Variants in ARMC8 observed in about 807,000 individuals in gnomAD.
ARMC8 encodes armadillo repeat containing 8, also known as armadillo repeat-containing protein 8.
A neutral mutation model predicts 99.3 loss-of-function variants in ARMC8; 20 were observed. The ratio of observed to expected loss-of-function variants is 0.20; its 90% confidence interval spans 0.14 to 0.29. The LOEUF is 0.29. Among genes scored for constraint, ARMC8 ranks in the 10% least tolerant of loss-of-function variants. ARMC8 has a pLI of 1.00. For synonymous variants in ARMC8, 263 were observed against 278.3 expected (o/e 0.95, Z 0.55); for missense variants, 569 against 809.5 (o/e 0.70, Z 3.60).
chr3:138,188,397 A>G, intron 1 of ARMC8: 1 of 1,505,680 alleles, frequency 6.6e-7, no homozygotes. Flanking sequence ...TTTTTTAAAA[A>G]AAGTTTTTTT....
At chr3:138,246,325 G>C in intron 12 of ARMC8, 1 of 985,512 alleles carries the variant, frequency 1.0e-6, no homozygotes, top group Non-Finnish European at 1.2e-6. Context: ...AGTGTTTTTA[G>C]TGTATCCCTA....
intron 1 of ARMC8, among the ~76,000 whole-genome samples, chr3:138,209,004 CTTTA>C (rs772876666): frequency 5.8e-4 from 89 of 152,266 alleles, no homozygotes; most frequent in Non-Finnish European, 1.2e-4. Flanking sequence ...GTGACAACTC[CTTTA>C]TTTATTTTTA....
intron 12 of ARMC8, among the ~76,000 whole-genome samples, chr3:138,256,930 C>G (rs776176753): frequency 6.6e-5 from 10 of 152,162 alleles, no homozygotes; most frequent in Non-Finnish European, 1.2e-4. Context: ...ATAGAAAGGA[C>G]CTCATACTGG....
chr3:138,272,940 T>C (rs774794123), intron 16 of ARMC8, 27 bp from the exon 17 acceptor site: 1 of 1,493,386 alleles, frequency 6.7e-7, no homozygotes, highest in East Asian at 2.4e-5. Context: ...GTAGACATGA[T>C]TCTTGCAACT....
intron 6 of ARMC8, among the ~76,000 whole-genome samples, chr3:138,231,790 A>T (rs570218649): frequency 7.4e-6 from 1 of 134,554 alleles, no homozygotes; most frequent in Non-Finnish European, 1.6e-5. Flanking sequence ...TGGGGGGGGA[A>T]AAAAAAAAGA....
chr3:138,222,839 G>A (rs1221871213), intron 3 of ARMC8, among the ~76,000 whole-genome samples: 1 of 152,216 alleles, frequency 6.6e-6, no homozygotes, highest in African/African-American at 2.4e-5. Context: ...GGTTTGGGGA[G>A]TATTTGTTTG....
At chr3:138,288,078 T>TG (rs1416122225) in intron 19 of ARMC8, 1 of 159,820 alleles carries the variant, frequency 6.3e-6, no homozygotes, top group Admixed American at 6.1e-5. Flanking sequence ...ATCAAGTTTT[T>TG]GGGGATATTC....
intron 2 of ARMC8, among the ~76,000 whole-genome samples, chr3:138,219,480 G>C (rs2045272503): frequency 6.6e-6 from 1 of 152,166 alleles, no homozygotes; most frequent in African/African-American, 2.4e-5. Context: ...TCAGGGGAAA[G>C]TATGAGGGAG....
rs1157384293 is a variant in ARMC8 at position 138,187,378 on chromosome 3, C to T, written c.-177C>T. ...TCGTAGGACAGCCCCTGACGCCATT[C>T]CCTTTTGCCCTTCTTTCTGCGGGCC... is the stretch of plus-strand genomic sequence containing the variant. On this transcript the variant is annotated 5_prime_UTR_variant, in exon 1 of 22. Transcript: ENST00000469044. The T allele has an allele frequency of 1.0e-5, 6 of 599,526 alleles. No individual in the cohort carries two copies. In the East Asian group the frequency reaches 1.8e-4, roughly 18 times the overall value. The allele number at this position is 599,526 out of a possible 1,614,324, so 37.1% of individuals were successfully genotyped here.
chr3:138,252,554 A>G (rs970627694), intron 12 of ARMC8, among the ~76,000 whole-genome samples: 3 of 151,278 alleles, frequency 2.0e-5, no homozygotes, highest in Admixed American at 6.6e-5. Context: ...CCTGGGTTCA[A>G]GCGATTCTCC....
intron 12 of ARMC8, chr3:138,245,579 A>G (rs373152300): frequency 3.0e-5 from 31 of 1,045,036 alleles, no homozygotes; most frequent in Admixed American, 1.0e-4. Flanking sequence ...GAGAAATTCA[A>G]ATCTCTATTG....
At chr3:138,262,466 TC>T (rs1350872671) in intron 12 of ARMC8, 34 of 1,531,478 alleles carry the variant, frequency 2.2e-5, no homozygotes, top group Non-Finnish European at 2.9e-5. Flanking sequence ...TTTCTTCTCT[TC>T]TTGTTTGGCT....
At chr3:138,205,011 G>A (rs1163455755) in intron 1 of ARMC8, among the ~76,000 whole-genome samples, 5 of 144,520 alleles carry the variant, frequency 3.5e-5, no homozygotes, top group African/African-American at 7.8e-5. Flanking sequence ...ACCTCCTACA[G>A]TCTTCCTCAT....
Position 138,241,764 on chromosome 3 carries a change from TAATC to T in ARMC8, c.838-18_838-15del, listed in dbSNP as rs1457399176. The stretch of plus-strand genomic sequence containing the variant: ...TTACCTTTACCAAAAAGCAAATAAT[TAATC>T]TCACTACCTTTCAGACATTACCTTG... On this transcript the variant is annotated splice_polypyrimidine_tract_variant and intron_variant, in intron 10 of 21. Transcript: ENST00000469044. 4.3e-6 allele frequency: 7 copies of T among 1,612,380 alleles called. No individual in the cohort carries two copies. The highest frequency in any genetic ancestry group is 1.3e-5 in the African/African-American group (1 of 74,908).
intron 11 of ARMC8, 44 bp downstream of exon 11, chr3:138,242,027 A>C (rs749215117): frequency 1.3e-6 from 2 of 1,557,652 alleles, no homozygotes; most frequent in Non-Finnish European, 1.8e-6. Flanking sequence ...AGATTTTTCT[A>C]AAGTTTTTCT....
intron 2 of ARMC8, among the ~76,000 whole-genome samples, chr3:138,213,093 ACT>A (rs749793642): frequency 4.6e-5 from 7 of 152,218 alleles, no homozygotes; most frequent in Admixed American, 1.3e-4. Context: ...ACACAGTGAG[ACT>A]CTATCTTGAA....
chr3:138,295,388 TC>T (rs1441316474), intron 21 of ARMC8, among the ~76,000 whole-genome samples: 10 of 152,208 alleles, frequency 6.6e-5, no homozygotes, highest in African/African-American at 2.4e-4. Context: ...CTTGGCCCCT[TC>T]CATGCACCTT....
intron 21 of ARMC8, among the ~76,000 whole-genome samples, chr3:138,294,500 T>C (rs2051281517): frequency 6.6e-6 from 1 of 152,238 alleles, no homozygotes; most frequent in African/African-American, 2.4e-5. Flanking sequence ...TTCTGATGGA[T>C]TGGACTATTC....
At chr3:138,243,033 C>T (rs1401801607) in intron 11 of ARMC8, among the ~76,000 whole-genome samples, 1 of 152,096 alleles carries the variant, frequency 6.6e-6, no homozygotes, top group Non-Finnish European at 1.5e-5. Context: ...TCCTTCTGGT[C>T]ATTTTTTCAC....
Sources: gnomAD v4.1 joint callset for allele counts (sites outside exome capture counted in the v4.1 genomes callset) on GRCh38, gnomAD v4.1.1 for gene constraint, MANE v1.5 for transcripts, NCBI Gene and HGNC (gene_info 2026-07-23, HGNC 2026-07-21) for gene names.